LRRC37A2: variants seen among roughly 807,000 people sequenced by gnomAD.
LRRC37A2 encodes the protein leucine-rich repeat-containing protein 37A2.
A neutral mutation model predicts 68.8 loss-of-function variants in LRRC37A2; 9 were observed. The ratio of observed to expected loss-of-function variants is 0.13; its 90% CI spans 0.08 to 0.23. The LOEUF (loss-of-function observed/expected upper bound fraction) is 0.23. Among genes scored for constraint, LRRC37A2 ranks in the 10% least tolerant of loss-of-function variants. LRRC37A2 has a pLI of 1.00. For synonymous variants in LRRC37A2, 63 were observed against 367.6 expected, an observed-to-expected ratio of 0.17 and a Z score of 9.48; for missense variants, 168 against 950.4, an observed-to-expected ratio of 0.18 and a Z score of 10.82.
chr17:46,679,092 C>T, the LRRC37A2 span, among the ~76,000 whole-genome samples: 1 of 151,970 alleles, frequency 6.6e-6, no homozygotes, highest in Non-Finnish European at 1.5e-5. Context: ...TTTAACAACA[C>T]ATGCTTGGGT....
the LRRC37A2 span, among the ~76,000 whole-genome samples, chr17:46,980,666 C>CAAAAAA: frequency 1.1e-3 from 96 of 83,888 alleles, 8 homozygotes; most frequent in Middle Eastern, 0.014. Flanking sequence ...ACTAAAAATA[C>CAAAAAA]AAAAAAAAAA....
At chr17:46,851,818 C>A in the LRRC37A2 span, 1 of 570,036 alleles carries the variant, frequency 1.8e-6, no homozygotes, top group Non-Finnish European at 2.6e-6. The surrounding 1 kb of genome is among the most constrained non-coding windows in gnomAD (Gnocchi z 4.3). Context: ...TTGGCCCCGC[C>A]GAGGTCTCGA....
chr17:46,794,816 T>A, the LRRC37A2 span, among the ~76,000 whole-genome samples: 1 of 151,394 alleles, frequency 6.6e-6, no homozygotes, highest in African/African-American at 2.4e-5. Flanking sequence ...AGAGGTACGA[T>A]TCCAGCTCAC....
At chr17:46,827,612 C>T in the LRRC37A2 span, among the ~76,000 whole-genome samples, 203 of 152,184 alleles carry the variant, frequency 1.3e-3, 3 homozygotes, top group South Asian at 0.04. Context: ...TTTCCTTGTT[C>T]GTTAGCCCAC....
At chr17:47,017,804 T>TG in the LRRC37A2 span, 1 of 1,610,086 alleles carries the variant, frequency 6.2e-7, no homozygotes, top group African/African-American at 1.3e-5. Context: ...TGAAGTCAGA[T>TG]GAGCCTCCAG....
chr17:46,924,691 T>A, the LRRC37A2 span, among the ~76,000 whole-genome samples: 1 of 152,344 alleles, frequency 6.6e-6, no homozygotes, highest in East Asian at 1.9e-4. Context: ...ACCTACTTTG[T>A]AATGACAGAA....
chr17:47,029,912 A>T, the LRRC37A2 span, among the ~76,000 whole-genome samples: 7 of 151,566 alleles, frequency 4.6e-5, no homozygotes, highest in Non-Finnish European at 7.4e-5. Flanking sequence ...AAAATACAAA[A>T]ATTAGCTGGG....
the LRRC37A2 span, chr17:46,713,183 GC>G: frequency 1.3e-5 from 2 of 152,434 alleles, no homozygotes; most frequent in Admixed American, 1.3e-4. Context: ...ACTAGAACAT[GC>G]TAAAACACTT....
At chr17:46,533,551 G>T (rs1405366020) in intron 6 of LRRC37A2, among the ~76,000 whole-genome samples, 2 of 130,070 alleles carry the variant, frequency 1.5e-5, no homozygotes, top group Non-Finnish European at 3.1e-5. Context: ...GCCCAGGCTA[G>T]AGTGCAGTGG....
chr17:46,939,096 A>G, the LRRC37A2 span: 3 of 1,211,462 alleles, frequency 2.5e-6, no homozygotes, highest in Non-Finnish European at 3.1e-6. Context: ...GTCCACAGTG[A>G]GCCCTGTGTG....
intron 8 of LRRC37A2, among the ~76,000 whole-genome samples, chr17:46,545,259 CTG>C (rs1387860442): frequency 7.2e-6 from 1 of 139,338 alleles, no homozygotes; most frequent in Non-Finnish European, 1.5e-5. Context: ...TGGGGAAACT[CTG>C]TCACTACTGA....
At chr17:46,864,051 G>T in the LRRC37A2 span, among the ~76,000 whole-genome samples, 4 of 152,322 alleles carry the variant, frequency 2.6e-5, no homozygotes, top group South Asian at 2.1e-4. Flanking sequence ...TCATTGAGGG[G>T]GTCACGCACA....
chr17:46,501,295 C>A, the LRRC37A2 span, among the ~76,000 whole-genome samples: 1 of 151,082 alleles, frequency 6.6e-6, no homozygotes, highest in Non-Finnish European at 1.5e-5. Flanking sequence ...CCTGCCTCAG[C>A]CTCCTGAGTA....
chr17:46,963,780 G>A, the LRRC37A2 span: 1 of 152,144 alleles, frequency 6.6e-6, no homozygotes, highest in African/African-American at 2.4e-5. Context: ...TTTTGGAGAG[G>A]TGGGGACTGG....
chr17:46,877,090 A>G, the LRRC37A2 span: 3 of 1,052,396 alleles, frequency 2.9e-6, no homozygotes, highest in Non-Finnish European at 3.4e-6. Context: ...GCTTGGAGCC[A>G]GCATGTTCTT....
the LRRC37A2 span, among the ~76,000 whole-genome samples, chr17:46,979,896 G>A: frequency 6.6e-6 from 1 of 151,796 alleles, no homozygotes; most frequent in Admixed American, 6.6e-5. Flanking sequence ...AGAGAGTGTC[G>A]ATGTTATCAC....
At chr17:46,824,683 A>G in the LRRC37A2 span, among the ~76,000 whole-genome samples, 2 of 152,246 alleles carry the variant, frequency 1.3e-5, no homozygotes, top group African/African-American at 4.8e-5. Context: ...TCCAGCACTT[A>G]GCAGCCCCTC....
chr17:46,756,115 T>C, the LRRC37A2 span: 2 of 340,276 alleles, frequency 5.9e-6, no homozygotes, highest in African/African-American at 2.1e-5. Context: ...ATCCAGTACT[T>C]GTGGACACTA....
chr17:46,719,430 C>T, the LRRC37A2 span, among the ~76,000 whole-genome samples: 6 of 152,086 alleles, frequency 3.9e-5, no homozygotes, highest in Non-Finnish European at 1.5e-5. This position sits in a 1 kb window ranked among gnomAD's most constrained non-coding sequence, Gnocchi z 4.3. Context: ...TGCTAAAATA[C>T]GTGAAAGTAG....
Sources: allele counts gnomAD v4.1 joint callset (sites outside exome capture counted in the v4.1 genomes callset), GRCh38; gene constraint gnomAD v4.1.1; non-coding constraint Gnocchi (gnomAD v3.1); transcripts MANE v1.5; gene names NCBI Gene and HGNC (gene_info 2026-07-23, HGNC 2026-07-21).